The following ACSBG2 variants were observed in gnomAD, a reference collection of about 807,000 sequenced individuals.
The protein encoded by ACSBG2 is acyl-CoA synthetase bubblegum family member 2.
In ACSBG2, 62 loss-of-function variants were observed where a neutral mutation model predicts 74.7. The ratio of observed to expected loss-of-function variants is 0.83; its 90% CI spans 0.68 to 1.03. ACSBG2 has a LOEUF of 1.03. Ranked by LOEUF, ACSBG2 falls within the 50% of genes least tolerant of loss-of-function variation. The pLI is 0.00. For synonymous variants in ACSBG2, 309 were observed against 294.1 expected (o/e 1.05, Z -0.52); for missense variants, 730 against 817.6 (o/e 0.89, Z 1.31).
chr19:6,179,801 C>T (rs1049457479), intron 8 of ACSBG2, among the ~76,000 whole-genome samples: 1 of 151,860 alleles, frequency 6.6e-6, no homozygotes, highest in Admixed American at 6.6e-5. Context: ...TTAGTAGAGA[C>T]GGGATTTCAC....
In ACSBG2 at chr19:6,137,840, G is replaced by T. The variant is rs528221484; in HGVS notation, c.-32+1931G>T. 2.0e-5 allele frequency among the ~76,000 whole-genome samples: 3 copies of T among 152,182 alleles called. No individual in the cohort carries two copies. In the South Asian group the frequency reaches 6.2e-4, roughly 32 times the overall value. ...TTTTTGTGTTTTTAGTAGAGACAGG[G>T]TTTCACCGTGTGAACCATGGCCAGG... On this transcript the variant is annotated intron_variant, in intron 1 of 14. Transcript: ENST00000588485.
intron 3 of ACSBG2, 90 bp from the exon 4 acceptor site, chr19:6,151,617 T>G (rs189297486): frequency 8.3e-4 from 1,100 of 1,324,878 alleles, no homozygotes; most frequent in Non-Finnish European, 1.1e-3. Flanking sequence ...GGCCTCCATG[T>G]GACTACCTTT....
At chr19:6,168,513 C>T (rs2089875405) in intron 7 of ACSBG2, among the ~76,000 whole-genome samples, 1 of 152,194 alleles carries the variant, frequency 6.6e-6, no homozygotes. Flanking sequence ...GGTTTTCTGT[C>T]TTATTCACTA....
chr19:6,168,519 C>A (rs1250381089), intron 7 of ACSBG2, among the ~76,000 whole-genome samples: 1 of 152,136 alleles, frequency 6.6e-6, no homozygotes, highest in East Asian at 1.9e-4. Context: ...CTGTCTTATT[C>A]ACTACTGTAA....
intron 4 of ACSBG2, among the ~76,000 whole-genome samples, chr19:6,153,201 G>A (rs151038217): frequency 1.6e-4 from 25 of 152,084 alleles, no homozygotes; most frequent in African/African-American, 6.0e-4. Flanking sequence ...AGCCGAGATC[G>A]CGCCACTGCA....
At chr19:6,149,430 C>T (rs991141290) in intron 3 of ACSBG2, among the ~76,000 whole-genome samples, 7 of 151,798 alleles carry the variant, frequency 4.6e-5, no homozygotes, top group Non-Finnish European at 1.0e-4. Flanking sequence ...CCTAAGGATG[C>T]TCACTTTTGT....
At chr19:6,166,343 G>A (rs995993337) in intron 7 of ACSBG2, among the ~76,000 whole-genome samples, 9 of 124,598 alleles carry the variant, frequency 7.2e-5, no homozygotes, top group Non-Finnish European at 1.4e-4. Flanking sequence ...TTGAGATGGG[G>A]TCTCCCTCTG....
chr19:6,154,434 A>AGAGAT (rs1568226772), intron 4 of ACSBG2, among the ~76,000 whole-genome samples: 1,006 of 38,178 alleles, frequency 0.026, 9 homozygotes, highest in Non-Finnish European at 0.085. Flanking sequence ...GAGAGAGAGA[A>AGAGAT]AATTATTATT....
intron 8 of ACSBG2, among the ~76,000 whole-genome samples, chr19:6,182,211 A>G (rs1033461535): frequency 7.8e-6 from 1 of 127,984 alleles, no homozygotes; most frequent in Non-Finnish European, 1.6e-5. Context: ...ATTTGTATTT[A>G]AAAAAAAAAA....
intron 8 of ACSBG2, among the ~76,000 whole-genome samples, chr19:6,181,062 AG>A (rs773850182): frequency 1.2e-4 from 18 of 149,024 alleles, no homozygotes; most frequent in East Asian, 1.2e-3. Context: ...AAAAAAAAAA[AG>A]AAAAAGAAAA....
At chr19:6,145,610 G>A (rs1005494188) in intron 2 of ACSBG2, among the ~76,000 whole-genome samples, 8 of 151,974 alleles carry the variant, frequency 5.3e-5, no homozygotes, top group African/African-American at 1.5e-4. Flanking sequence ...TCACTTGCCC[G>A]TTACTGGGTG....
intron 11 of ACSBG2, 39 bp from the exon 12 acceptor site, chr19:6,187,244 G>A: frequency 6.2e-7 from 1 of 1,612,452 alleles, no homozygotes; most frequent in Non-Finnish European, 8.5e-7. Flanking sequence ...GTTCCACGTT[G>A]TCATGGCTGG....
At chr19:6,159,302 A>G (rs1042615277) in intron 5 of ACSBG2, among the ~76,000 whole-genome samples, 2 of 151,968 alleles carry the variant, frequency 1.3e-5, no homozygotes, top group African/African-American at 2.4e-5. Context: ...AACTCATGTC[A>G]TACCTGTTTG....
chr19:6,188,407 G>A lies in ACSBG2; in HGVS notation c.1927+562G>A, dbSNP rs536470982. Among the ~76,000 whole-genome samples, 392 of 152,334 alleles carry A rather than the reference G, an allele frequency of 2.6e-3. 2 individuals carry two copies. Among genetic ancestry groups the A allele is most frequent in the Non-Finnish European group, 4.1e-3 (278 of 68,026 alleles). ...TGTAATCCCAACACTTTGGGAGGCT[G>A]AGTTGGGCAGACTGCTTGAGCCCAG... On this transcript the variant is annotated intron_variant, in intron 13 of 14. Coordinates refer to ENST00000588485, the MANE Select transcript of ACSBG2 (RefSeq NM_030924.5).
intron 8 of ACSBG2, among the ~76,000 whole-genome samples, chr19:6,181,649 TC>T (rs2090257475): frequency 6.6e-6 from 1 of 152,212 alleles, no homozygotes. Flanking sequence ...GGGATTTTCT[TC>T]TACGTTTTCT....
chr19:6,171,740 A>G (rs142671346), intron 7 of ACSBG2, among the ~76,000 whole-genome samples: 1 of 152,098 alleles, frequency 6.6e-6, no homozygotes, highest in Non-Finnish European at 1.5e-5. Flanking sequence ...TGGATTTCTC[A>G]TATCTAGATG....
chr19:6,192,456 T>C (rs1330684592), intron 14 of ACSBG2, among the ~76,000 whole-genome samples: 1 of 152,184 alleles, frequency 6.6e-6, no homozygotes, highest in Non-Finnish European at 1.5e-5. Context: ...CTGCTATACA[T>C]TGTTAAATTG....
chr19:6,161,524 A>C (rs2089616002), intron 6 of ACSBG2: 4 of 456,266 alleles, frequency 8.8e-6, no homozygotes, highest in Non-Finnish European at 1.6e-5. Context: ...GTGAAATGTG[A>C]GCAGAGGGAG....
intron 5 of ACSBG2, among the ~76,000 whole-genome samples, chr19:6,160,925 C>A (rs1027332013): frequency 3.9e-5 from 6 of 152,080 alleles, no homozygotes; most frequent in Admixed American, 2.6e-4. Context: ...TACGGTGAAA[C>A]CCCGGCTCTA....
Sources: allele counts gnomAD v4.1 joint callset (sites outside exome capture counted in the v4.1 genomes callset), GRCh38; gene constraint gnomAD v4.1.1; transcripts MANE v1.5; gene names NCBI Gene and HGNC (gene_info 2026-07-23, HGNC 2026-07-21).